Variants in PLCB1 observed in about 807,000 individuals in gnomAD.
The protein encoded by PLCB1 is phospholipase C beta 1.
A neutral mutation model predicts 161.8 loss-of-function variants in PLCB1; 46 were observed. That is an observed-to-expected ratio of 0.28 (90% CI 0.22 to 0.36). PLCB1 has a LOEUF of 0.36. PLCB1 is among the 10% of genes least tolerant of loss of function. The pLI is 1.00. For missense variants in PLCB1, 1,016 were observed against 1,472.5 expected (o/e 0.69, Z 5.07); for synonymous variants, 517 against 503.7 (o/e 1.03, Z -0.35).
At chr20:8,481,028 G>A (rs1015134448) in intron 3 of PLCB1, among the ~76,000 whole-genome samples, 2 of 152,044 alleles carry the variant, frequency 1.3e-5, no homozygotes, top group Non-Finnish European at 1.5e-5. Flanking sequence ...AAGTTGAATC[G>A]GGGAGGCAAA....
chr20:8,335,425 C>G (rs1187846353), intron 2 of PLCB1, among the ~76,000 whole-genome samples: 1 of 152,182 alleles, frequency 6.6e-6, no homozygotes, highest in Non-Finnish European at 1.5e-5. Context: ...CTCCCTCTAA[C>G]CCACAACCTC....
intron 2 of PLCB1, among the ~76,000 whole-genome samples, chr20:8,172,898 C>G (rs1162774560): frequency 6.6e-6 from 1 of 152,152 alleles, no homozygotes; most frequent in East Asian, 1.9e-4. Flanking sequence ...TGATCAGGAC[C>G]AGCATTTTAC....
In PLCB1 at chr20:8,475,610, CCAA is replaced by C. The variant is rs903261817; in HGVS notation, c.246+104166_246+104168del. ...TTTTCTACACCTTGTCTTTTTAAAA[CCAA>C]CAACATCTTTCAGACACTTGCACAC... On this transcript the variant is annotated intron_variant, in intron 3 of 31. Coordinates refer to ENST00000338037, the MANE Select transcript of PLCB1 (RefSeq NM_015192.4). Among the ~76,000 whole-genome samples, 66 of 152,250 alleles carry C rather than the reference CCAA, an allele frequency of 4.3e-4. 1 individual carries two copies. The highest frequency in any genetic ancestry group is 1.6e-3 in the African/African-American group (66 of 41,554).
At chr20:8,534,340 G>A (rs938375265) in intron 3 of PLCB1, among the ~76,000 whole-genome samples, 2 of 152,124 alleles carry the variant, frequency 1.3e-5, no homozygotes, top group East Asian at 1.9e-4. Context: ...CTGCGCCCCC[G>A]GCCCTTGTGA....
At chr20:8,236,993 A>C (rs1980362030) in intron 2 of PLCB1, among the ~76,000 whole-genome samples, 1 of 152,098 alleles carries the variant, frequency 6.6e-6, no homozygotes, top group South Asian at 2.1e-4. Flanking sequence ...TGGGGAGGTT[A>C]AATACCACTC....
At chr20:8,647,762 A>C (rs1600224411) in intron 5 of PLCB1, 138 bp from the exon 6 acceptor site, 1 of 665,706 alleles carries the variant, frequency 1.5e-6, no homozygotes, top group Non-Finnish European at 2.7e-6. Context: ...TCTGGGTGCC[A>C]ACTGTGGAGA....
chr20:8,419,713 T>G (rs1315861718), intron 3 of PLCB1, among the ~76,000 whole-genome samples: 3 of 152,194 alleles, frequency 2.0e-5, no homozygotes, highest in Non-Finnish European at 4.4e-5. Context: ...TACAATGGGT[T>G]TATCGGAACA....
chr20:8,721,545 A>T (rs1979633704), intron 14 of PLCB1, among the ~76,000 whole-genome samples: 1 of 152,216 alleles, frequency 6.6e-6, no homozygotes, highest in South Asian at 2.1e-4. Flanking sequence ...AAAACAATTC[A>T]TTTAAATGAG....
At chr20:8,329,693 A>G (rs1432546417) in intron 2 of PLCB1, among the ~76,000 whole-genome samples, 1 of 152,152 alleles carries the variant, frequency 6.6e-6, no homozygotes, top group African/African-American at 2.4e-5. Context: ...CTGATTTCCA[A>G]TGAAGCTTTT....
At chr20:8,168,109 C>T (rs940304331) in intron 2 of PLCB1, among the ~76,000 whole-genome samples, 2 of 152,128 alleles carry the variant, frequency 1.3e-5, no homozygotes, top group African/African-American at 4.8e-5. Context: ...CTGCAAAGCC[C>T]TAGAAGCAGA....
chr20:8,428,499 G>C (rs1979888810), intron 3 of PLCB1, among the ~76,000 whole-genome samples: 1 of 152,146 alleles, frequency 6.6e-6, no homozygotes, highest in African/African-American at 2.4e-5. Flanking sequence ...GGGATTATAG[G>C]CATGAGCCAC....
intron 1 of PLCB1, among the ~76,000 whole-genome samples, chr20:8,145,027 G>A (rs184748642): frequency 1.3e-5 from 2 of 152,306 alleles, no homozygotes; most frequent in Admixed American, 1.3e-4. Context: ...GAGCCTTGAG[G>A]TTTAGGGTTA....
chr20:8,670,746 G>GT (rs1389653244), intron 9 of PLCB1, among the ~76,000 whole-genome samples: 1 of 152,206 alleles, frequency 6.6e-6, no homozygotes, highest in Non-Finnish European at 1.5e-5. Context: ...AGGAAAGTTT[G>GT]TGCCCGGGCA....
chr20:8,535,202 C>CAAAAAAAAAAAAAAAAA, intron 3 of PLCB1, among the ~76,000 whole-genome samples: 1 of 52,796 alleles, frequency 1.9e-5, no homozygotes, highest in Non-Finnish European at 3.5e-5. Flanking sequence ...AGTTTATGGG[C>CAAAAAAAAAAAAAAAAA]AAAAAAAAAA....
chr20:8,600,437 TGAG>T (rs1394684702), intron 3 of PLCB1, among the ~76,000 whole-genome samples: 1 of 147,500 alleles, frequency 6.8e-6, no homozygotes, highest in Non-Finnish European at 1.5e-5. Context: ...GGGACCCACT[TGAG>T]GAGGCAGTCT....
chr20:8,495,688 C>T (rs1983139921), intron 3 of PLCB1, among the ~76,000 whole-genome samples: 1 of 151,902 alleles, frequency 6.6e-6, no homozygotes, highest in African/African-American at 2.4e-5. Context: ...TGAGCCACCG[C>T]GCCTGGCCGA....
intron 3 of PLCB1, among the ~76,000 whole-genome samples, chr20:8,563,553 A>T (rs933768468): frequency 6.6e-6 from 1 of 152,130 alleles, no homozygotes; most frequent in African/African-American, 2.4e-5. Context: ...AAACAGAGAC[A>T]ATTTGACTTT....
At chr20:8,356,127 C>T (rs1401014661) in intron 2 of PLCB1, among the ~76,000 whole-genome samples, 1 of 152,132 alleles carries the variant, frequency 6.6e-6, no homozygotes, top group Non-Finnish European at 1.5e-5. Context: ...AAAATAACAT[C>T]TGATCATCAT....
intron 3 of PLCB1, among the ~76,000 whole-genome samples, chr20:8,533,380 G>A (rs1984902011): frequency 6.6e-6 from 1 of 151,308 alleles, no homozygotes; most frequent in Non-Finnish European, 1.5e-5. Flanking sequence ...TATATACCCA[G>A]TAATGGGATG....
Sources: allele counts gnomAD v4.1 joint callset (sites outside exome capture counted in the v4.1 genomes callset), GRCh38; gene constraint gnomAD v4.1.1; transcripts MANE v1.5; gene names NCBI Gene and HGNC (gene_info 2026-07-23, HGNC 2026-07-21).